SETBP1: variants seen among roughly 807,000 people sequenced by gnomAD.
SETBP1 encodes SET binding protein 1, also known as SET-binding protein.
Under a neutral mutation model 101.0 loss-of-function variants are expected in SETBP1, and 9 were observed. The ratio of observed to expected loss-of-function variants is 0.09; its 90% CI spans 0.05 to 0.16. The LOEUF is 0.16. SETBP1 is among the 10% of genes least tolerant of loss of function. The pLI is 1.00. For synonymous variants in SETBP1, 818 were observed against 788.5 expected (o/e 1.04, Z -0.63); for missense variants, 1,858 against 2,033.8 (o/e 0.91, Z 1.66).
At chr18:44,911,149 ATGT>A in intron 3 of SETBP1, among the ~76,000 whole-genome samples, 1 of 152,226 alleles carries the variant, frequency 6.6e-6, no homozygotes, top group East Asian at 1.9e-4. Context: ...TTACCTGAAA[ATGT>A]TGTATCTGTG....
At chr18:44,687,257 A>G (rs2068854319) in intron 1 of SETBP1, among the ~76,000 whole-genome samples, 2 of 152,328 alleles carry the variant, frequency 1.3e-5, no homozygotes, top group South Asian at 2.1e-4. Flanking sequence ...TTGGAGTGGT[A>G]TAGAGTGTCC....
At chr18:44,902,671 T>G (rs1346348574) in intron 3 of SETBP1, among the ~76,000 whole-genome samples, 1 of 152,190 alleles carries the variant, frequency 6.6e-6, no homozygotes, top group Admixed American at 6.5e-5. Flanking sequence ...TTTATAAATG[T>G]TCATGTCTTT....
chr18:44,863,993 T>C (rs1256554225), intron 2 of SETBP1, among the ~76,000 whole-genome samples: 1 of 152,006 alleles, frequency 6.6e-6, no homozygotes, highest in Non-Finnish European at 1.5e-5. Context: ...AGCATCTGGG[T>C]TCAGCCAGAG....
At chr18:44,821,648 G>A (rs2072116638) in intron 2 of SETBP1, among the ~76,000 whole-genome samples, 2 of 152,232 alleles carry the variant, frequency 1.3e-5, no homozygotes, top group East Asian at 1.9e-4. Context: ...CCTATCCCCT[G>A]TTCCTGACAC....
chr18:44,876,992 T>C, intron 3 of SETBP1: 1 of 1,221,978 alleles, frequency 8.2e-7, no homozygotes, highest in Non-Finnish European at 1.0e-6. Context: ...TTCACTGTCT[T>C]CCAGGGCAGG....
At chr18:44,984,088 C>A (rs2072175702) in intron 4 of SETBP1, among the ~76,000 whole-genome samples, 3 of 152,080 alleles carry the variant, frequency 2.0e-5, no homozygotes, top group Admixed American at 6.6e-5. Context: ...GTAATCCCAG[C>A]TAGTCAGGAG....
At chr18:44,946,300 T>C (rs1051597288) in intron 3 of SETBP1, among the ~76,000 whole-genome samples, 4 of 152,140 alleles carry the variant, frequency 2.6e-5, no homozygotes, top group African/African-American at 7.2e-5. Context: ...CAGGCAGTGG[T>C]CCAGAGAAGC....
chr18:44,811,373 C>T (rs770740678), intron 2 of SETBP1, among the ~76,000 whole-genome samples: 8 of 152,230 alleles, frequency 5.3e-5, no homozygotes, highest in Non-Finnish European at 1.0e-4. Context: ...GTACACACAT[C>T]GTTTGTCATG....
At chr18:44,904,756 G>T (rs1309656331) in intron 3 of SETBP1, among the ~76,000 whole-genome samples, 3 of 152,136 alleles carry the variant, frequency 2.0e-5, no homozygotes. Context: ...AGGGACCCAG[G>T]CTCCTTCTAC....
At chr18:44,700,126 G>A (rs867528409) in intron 1 of SETBP1, among the ~76,000 whole-genome samples, 55 of 152,256 alleles carry the variant, frequency 3.6e-4, no homozygotes, top group Middle Eastern at 6.8e-3. Context: ...CTGAGACTGA[G>A]CGTTTGGGCT....
intron 4 of SETBP1, among the ~76,000 whole-genome samples, chr18:44,995,500 A>T (rs546982039): frequency 6.6e-6 from 1 of 150,708 alleles, no homozygotes; most frequent in South Asian, 2.1e-4. Flanking sequence ...TATGAAGACC[A>T]CATTTTTAAA....
chr18:44,742,891 G>A (rs992464626), intron 2 of SETBP1, among the ~76,000 whole-genome samples: 2 of 151,992 alleles, frequency 1.3e-5, no homozygotes, highest in African/African-American at 4.8e-5. Flanking sequence ...CCAAGGAACA[G>A]ATGGGAGAGG....
chr18:44,700,186 G>A (rs567576500), intron 1 of SETBP1, among the ~76,000 whole-genome samples: 5 of 152,250 alleles, frequency 3.3e-5, no homozygotes, highest in Admixed American at 2.6e-4. Context: ...ATAATAGAAC[G>A]TGGGGTGAAG....
Position 44,866,186 on chromosome 18 carries a change from C to T in SETBP1, c.487-3044C>T, listed in dbSNP as rs577376402. ...CACTGAAACACCACCCAATATTCTT[C>T]TAGTAAAACCTGTAGTGGCTGGAGA... is the stretch of plus-strand genomic sequence containing the variant. On this transcript the variant is annotated intron_variant, in intron 2 of 5. Coordinates refer to ENST00000649279, the MANE Select transcript of SETBP1 (RefSeq NM_015559.3). Among the ~76,000 whole-genome samples the T allele has an allele frequency of 1.8e-4, 28 of 152,344 alleles. No individual in the cohort carries two copies. In the South Asian group the frequency reaches 5.6e-3, roughly 30 times the overall value.
At chr18:44,680,868 G>GA (rs2068749315), upstream of SETBP1, 1 of 71,068 alleles carries the variant, frequency 1.4e-5, no homozygotes, top group Non-Finnish European at 2.6e-5. Context: ...GGGAAGGCAG[G>GA]ATTTTTTTTT....
chr18:44,774,578 A>G (rs1164714843), intron 2 of SETBP1, among the ~76,000 whole-genome samples: 1 of 152,140 alleles, frequency 6.6e-6, no homozygotes, highest in African/African-American at 2.4e-5. Flanking sequence ...AAGAGTTGTC[A>G]TGTAGAATGT....
intron 2 of SETBP1, among the ~76,000 whole-genome samples, chr18:44,719,602 G>C (rs2069540877): frequency 6.6e-6 from 1 of 152,190 alleles, no homozygotes; most frequent in Non-Finnish European, 1.5e-5. Context: ...AAGCAGAGAG[G>C]GGCTGCTCCA....
intron 3 of SETBP1, among the ~76,000 whole-genome samples, chr18:44,907,022 C>T (rs1016512497): frequency 6.6e-6 from 1 of 152,160 alleles, no homozygotes; most frequent in African/African-American, 2.4e-5. Context: ...CAGTTACACC[C>T]CATTTTCTTT....
chr18:44,873,457 T>C (rs1244951234), intron 3 of SETBP1, among the ~76,000 whole-genome samples: 3 of 152,160 alleles, frequency 2.0e-5, no homozygotes, highest in Non-Finnish European at 4.4e-5. Flanking sequence ...AATAAATTAA[T>C]TGAAAATTCA....
Sources: allele counts gnomAD v4.1 joint callset (sites outside exome capture counted in the v4.1 genomes callset), GRCh38; gene constraint gnomAD v4.1.1; transcripts MANE v1.5; gene names NCBI Gene and HGNC (gene_info 2026-07-23, HGNC 2026-07-21).